The following ANO3 variants were observed in gnomAD, a reference collection of about 807,000 sequenced individuals.
ANO3 encodes anoctamin 3.
Under a neutral mutation model 144.8 loss-of-function variants are expected in ANO3, and 99 were observed. The observed-to-expected ratio is 0.68, with a 90% CI of 0.58 to 0.81. The LOEUF (loss-of-function observed/expected upper bound fraction) is 0.81. Among genes scored for constraint, ANO3 ranks in the 30% least tolerant of loss-of-function variants. ANO3 has a pLI of 0.00. For synonymous variants in ANO3, 414 were observed against 392.6 expected (o/e 1.05, Z -0.64); for missense variants, 905 against 1,202.2 (o/e 0.75, Z 3.66).
At chr11:26,448,521 T>C (rs1858795113) in intron 3 of ANO3, among the ~76,000 whole-genome samples, 1 of 152,234 alleles carries the variant, frequency 6.6e-6, no homozygotes, top group African/African-American at 2.4e-5. Context: ...CTCATTGGTC[T>C]ATTTCTTTAA....
intron 1 of ANO3, among the ~76,000 whole-genome samples, chr11:26,421,745 C>T (rs967606789): frequency 1.3e-5 from 2 of 151,932 alleles, no homozygotes; most frequent in Non-Finnish European, 2.9e-5. Flanking sequence ...TACATATATA[C>T]CATGGAATAC....
chr11:26,483,545 T>A (rs767133877), intron 4 of ANO3, among the ~76,000 whole-genome samples: 2 of 152,184 alleles, frequency 1.3e-5, no homozygotes, highest in Non-Finnish European at 2.9e-5. Context: ...GCTGCCTTCC[T>A]CTTTGCCTTC....
At chr11:26,312,453 T>C (rs1282677971) in intron 1 of ANO3, among the ~76,000 whole-genome samples, 4 of 152,210 alleles carry the variant, frequency 2.6e-5, no homozygotes, top group African/African-American at 9.6e-5. Context: ...TAGTTTACAG[T>C]CCCACCAACA....
At chr11:26,391,380 G>T (rs564794365) in intron 1 of ANO3, among the ~76,000 whole-genome samples, 1 of 152,186 alleles carries the variant, frequency 6.6e-6, no homozygotes, top group South Asian at 2.1e-4. Flanking sequence ...CATGAAGGCA[G>T]AGCCCTCATG....
intron 1 of ANO3, among the ~76,000 whole-genome samples, chr11:26,240,418 T>C (rs1852638266): frequency 6.6e-6 from 1 of 152,130 alleles, no homozygotes; most frequent in Admixed American, 6.5e-5. Flanking sequence ...TAAGTCCTAT[T>C]ATACAAAAAC....
intron 1 of ANO3, among the ~76,000 whole-genome samples, chr11:26,380,937 G>T (rs890989140): frequency 6.6e-6 from 1 of 152,022 alleles, no homozygotes; most frequent in Non-Finnish European, 1.5e-5. Flanking sequence ...AGCCAAGATC[G>T]CACCATTGCA....
chr11:26,348,793 C>T (rs915340257), intron 1 of ANO3, among the ~76,000 whole-genome samples: 51 of 152,260 alleles, frequency 3.3e-4, no homozygotes, highest in African/African-American at 9.6e-4. Flanking sequence ...TCTCCCAAGA[C>T]GTCACATTCT....
chr11:26,393,547 G>A (rs894638825), intron 1 of ANO3, among the ~76,000 whole-genome samples: 7 of 152,046 alleles, frequency 4.6e-5, no homozygotes, highest in African/African-American at 1.7e-4. Context: ...ATGTGGAAGG[G>A]GATTCCTGAA....
chr11:26,278,611 C>T (rs940971200), intron 1 of ANO3, among the ~76,000 whole-genome samples: 1 of 152,050 alleles, frequency 6.6e-6, no homozygotes, highest in Non-Finnish European at 1.5e-5. Context: ...CAATTTGAAC[C>T]TCAGATGTAC....
At chr11:26,462,982 A>C in intron 3 of ANO3, 48 bp from the exon 4 acceptor site, 1 of 1,020,236 alleles carries the variant, frequency 9.8e-7, no homozygotes, top group Non-Finnish European at 1.4e-6. Flanking sequence ...TAATGAAAAA[A>C]GAGAAAAACT....
At chr11:26,436,588 G>T in intron 1 of ANO3, among the ~76,000 whole-genome samples, 1 of 152,026 alleles carries the variant, frequency 6.6e-6, no homozygotes, top group Non-Finnish European at 1.5e-5. Flanking sequence ...CACACTGGCA[G>T]GGGTGGCTGG....
intron 3 of ANO3, among the ~76,000 whole-genome samples, chr11:26,459,050 A>G (rs1219177030): frequency 6.6e-6 from 1 of 152,174 alleles, no homozygotes; most frequent in Non-Finnish European, 1.5e-5. Context: ...TGGCTAAAAC[A>G]GATATTGAGC....
intron 1 of ANO3, among the ~76,000 whole-genome samples, chr11:26,360,897 C>A (rs185350202): frequency 2.0e-5 from 3 of 152,272 alleles, no homozygotes; most frequent in Admixed American, 2.0e-4. Context: ...TTGTGACATA[C>A]CTACTGTTAT....
chr11:26,235,232 A>G (rs1367080854), intron 1 of ANO3, among the ~76,000 whole-genome samples: 1 of 152,228 alleles, frequency 6.6e-6, no homozygotes, highest in Non-Finnish European at 1.5e-5. Context: ...CCCATGGCCC[A>G]GTCAAGTCTA....
chr11:26,335,463 T>C (rs910050216), intron 1 of ANO3, among the ~76,000 whole-genome samples: 2 of 152,150 alleles, frequency 1.3e-5, no homozygotes, highest in African/African-American at 4.8e-5. Context: ...AACAGTGGAC[T>C]CCAGACCATC....
In ANO3 at chr11:26,286,587, G is replaced by A. The variant is rs12286134; in HGVS notation, c.155-23058G>A. On this transcript the variant is annotated intron_variant, in intron 1 of 27. Transcript: ENST00000672621. The stretch of plus-strand genomic sequence containing the variant: ...TTTCATGTGATATGAATTGCCTTGG[G>A]ATCTTGTTAAAATACAAGTTAAGAT... Among the ~76,000 whole-genome samples, 1,506 of 152,196 alleles carry A rather than the reference G, an allele frequency of 9.9e-3. 22 individuals carry two copies. Among genetic ancestry groups the A allele is most frequent in the African/African-American group, 0.034 (1,428 of 41,504 alleles).
At chr11:26,225,142 A>C (rs940741749) in intron 1 of ANO3, among the ~76,000 whole-genome samples, 1 of 152,138 alleles carries the variant, frequency 6.6e-6, no homozygotes, top group African/African-American at 2.4e-5. Context: ...AATAATATGT[A>C]TTTAGTTAGG....
chr11:26,491,736 T>C (rs771735395), intron 4 of ANO3, among the ~76,000 whole-genome samples: 63 of 152,322 alleles, frequency 4.1e-4, no homozygotes, highest in Non-Finnish European at 6.6e-4. Context: ...CACAAGGAAA[T>C]AGTTGAATTT....
intron 4 of ANO3, among the ~76,000 whole-genome samples, chr11:26,494,774 G>A (rs1403518539): frequency 6.6e-6 from 1 of 152,148 alleles, no homozygotes; most frequent in Non-Finnish European, 1.5e-5. Context: ...TCCTAGCATG[G>A]AACCCAAGGA....
Sources: allele counts gnomAD v4.1 joint callset (sites outside exome capture counted in the v4.1 genomes callset), GRCh38; gene constraint gnomAD v4.1.1; transcripts MANE v1.5; gene names NCBI Gene and HGNC (gene_info 2026-07-23, HGNC 2026-07-21).